WDFY3: variants seen among roughly 807,000 people sequenced by gnomAD.
WDFY3 encodes WD repeat and FYVE domain containing 3, also known as WD repeat and FYVE domain-containing protein 3.
WDFY3 carries 66 observed loss-of-function variants against 409.6 expected under a neutral mutation model. That is an observed-to-expected ratio of 0.16 (90% CI 0.13 to 0.20). WDFY3 has a LOEUF of 0.20. Among genes scored for constraint, WDFY3 ranks in the 10% least tolerant of loss-of-function variants. The probability of loss-of-function intolerance (pLI) is 1.00; values close to 1 mark genes in which losing one functional copy is unlikely to be tolerated. For missense variants in WDFY3, 3,031 were observed against 4,298.1 expected, an observed-to-expected ratio of 0.71 and a Z score of 8.24; for synonymous variants, 1,521 against 1,537.1, an observed-to-expected ratio of 0.99 and a Z score of 0.25.
At chr4:84,843,787 CTAG>C (rs1757709287) in intron 5 of WDFY3, among the ~76,000 whole-genome samples, 1 of 152,026 alleles carries the variant, frequency 6.6e-6, no homozygotes, top group Admixed American at 6.6e-5. Flanking sequence ...ATTATGTATA[CTAG>C]CAAGGAATTT....
chr4:84,954,012 CTA>C (rs1235435827), intron 1 of WDFY3, among the ~76,000 whole-genome samples: 23 of 152,244 alleles, frequency 1.5e-4, no homozygotes, highest in Admixed American at 1.5e-3. Context: ...CTTATCTCCA[CTA>C]TGTTATAAAG....
At chr4:84,742,345 G>C (rs1462846073) in intron 37 of WDFY3, among the ~76,000 whole-genome samples, 1 of 152,204 alleles carries the variant, frequency 6.6e-6, no homozygotes, top group African/African-American at 2.4e-5. Flanking sequence ...AAGTAACACA[G>C]ACAGAAGAGA....
At chr4:84,747,035 CT>C (rs1308075028) in intron 36 of WDFY3, among the ~76,000 whole-genome samples, 1 of 152,176 alleles carries the variant, frequency 6.6e-6, no homozygotes, top group Non-Finnish European at 1.5e-5. Flanking sequence ...CTTCATCACT[CT>C]TTTAGATAAG....
chr4:84,815,632 T>C (rs1421143246), intron 13 of WDFY3, among the ~76,000 whole-genome samples: 3 of 152,142 alleles, frequency 2.0e-5, no homozygotes, highest in African/African-American at 7.2e-5. Context: ...GTCCTCCAAT[T>C]AGGATTTATC....
intron 62 of WDFY3, among the ~76,000 whole-genome samples, chr4:84,684,673 T>G (rs1277936422): frequency 6.6e-6 from 1 of 151,046 alleles, no homozygotes; most frequent in Non-Finnish European, 1.5e-5. Context: ...AAAATAGGGG[T>G]GGGGGAATGT....
chr4:84,740,464 C>T (rs1331501466), intron 38 of WDFY3, 48 bp from the exon 39 acceptor site: 2 of 1,578,058 alleles, frequency 1.3e-6, no homozygotes, highest in Non-Finnish European at 8.7e-7. Flanking sequence ...AAAAGTAAAA[C>T]ACCTGTTAAT....
At chr4:84,961,148 G>C (rs554178835) in intron 1 of WDFY3, among the ~76,000 whole-genome samples, 3 of 151,244 alleles carry the variant, frequency 2.0e-5, no homozygotes, top group African/African-American at 7.3e-5. Flanking sequence ...CCGAGAGGTG[G>C]AGGCTGCAGT....
intron 2 of WDFY3, among the ~76,000 whole-genome samples, chr4:84,915,820 A>C (rs896058841): frequency 7.2e-5 from 11 of 152,170 alleles, no homozygotes; most frequent in Non-Finnish European, 1.0e-4. Context: ...TGGGGAAAAA[A>C]GGTTTTAATT....
intron 3 of WDFY3, among the ~76,000 whole-genome samples, chr4:84,871,960 G>A (rs1052055588): frequency 5.9e-5 from 9 of 152,212 alleles, no homozygotes; most frequent in African/African-American, 1.9e-4. Context: ...TGATGTAAAA[G>A]ATAACTGAAT....
At chr4:84,676,707 T>G (rs151043110) in intron 67 of WDFY3, among the ~76,000 whole-genome samples, 76 of 152,238 alleles carry the variant, frequency 5.0e-4, no homozygotes, top group African/African-American at 1.8e-3. Context: ...GATATCTATA[T>G]AAATGGATTT....
chr4:84,821,633 G>T lies in WDFY3; in HGVS notation c.1124-82C>A, dbSNP rs1371488548. ...AAACTAGTCTGTTTAAACACATCAT[G>T]AATTATAACATTTATCAATTATTTA... On this transcript the variant is annotated intron_variant, in intron 10 of 67. Transcript: ENST00000295888. The T allele has an allele frequency of 3.5e-6, 4 of 1,135,182 alleles. No homozygotes were observed. In the Admixed American group the frequency reaches 9.4e-5, roughly 27 times the overall value. 70.3% of individuals were successfully genotyped at this position (1,135,182 alleles called of 1,614,324 possible).
intron 1 of WDFY3, among the ~76,000 whole-genome samples, chr4:84,953,213 T>C (rs1773827340): frequency 1.3e-5 from 2 of 151,686 alleles, no homozygotes; most frequent in African/African-American, 4.8e-5. Flanking sequence ...TGATCTCACT[T>C]ATTATCTGGT....
chr4:84,887,686 G>A (rs1764411472), intron 3 of WDFY3, among the ~76,000 whole-genome samples: 1 of 152,182 alleles, frequency 6.6e-6, no homozygotes, highest in South Asian at 2.1e-4. Flanking sequence ...TGGAAGCTCA[G>A]AGTTTAAGCA....
chr4:84,773,612 C>T (rs1745050064), intron 29 of WDFY3, among the ~76,000 whole-genome samples: 1 of 152,138 alleles, frequency 6.6e-6, no homozygotes, highest in Admixed American at 6.5e-5. Context: ...AGCAAAGTGA[C>T]CATTACAATG....
chr4:84,716,229 A>T (rs2149045517), intron 49 of WDFY3, among the ~76,000 whole-genome samples: 1 of 151,712 alleles, frequency 6.6e-6, no homozygotes, highest in East Asian at 2.0e-4. Context: ...CGAGGTCAGG[A>T]GATCAAGACC....
chr4:84,900,333 C>T (rs1561035556), intron 2 of WDFY3, among the ~76,000 whole-genome samples: 1 of 152,114 alleles, frequency 6.6e-6, no homozygotes, highest in Non-Finnish European at 1.5e-5. Flanking sequence ...TCAAGCAATC[C>T]TCTTGCCTTA....
Position 84,821,529 on chromosome 4 carries a change from C to T in WDFY3, c.1146G>A (p.Gln382=), listed in dbSNP as rs1754057567. Reference sequence around the variant, plus strand: ...ATGCATTCTGAAGAACTGCAAAGGCCTGGACGTTTCTCACACTGTGACCTA... The same window carrying T: ...ATGCATTCTGAAGAACTGCAAAGGCTTGGACGTTTCTCACACTGTGACCTA... ...AGKGHSVRNV[Q]AFAVLQNAFL... is the part of the protein sequence containing the mutation. The change falls in exon 11 of 68, where the codon CAG becomes CAA. Residue 382 remains glutamine (Q), a synonymous_variant. Transcript: ENST00000295888. 3.7e-6 allele frequency: 6 copies of T among 1,612,670 alleles called. No homozygotes were observed. The highest frequency in any genetic ancestry group is 1.6e-4 in the Middle Eastern group (1 of 6,076).
At chr4:84,927,845 A>G (rs1353630227) in intron 2 of WDFY3, among the ~76,000 whole-genome samples, 2 of 152,304 alleles carry the variant, frequency 1.3e-5, no homozygotes, top group Admixed American at 6.5e-5. Flanking sequence ...AGTCTCAGGT[A>G]TTTTCTCATA....
At chr4:84,734,234 T>A (rs1358922302) in intron 43 of WDFY3, among the ~76,000 whole-genome samples, 1 of 152,210 alleles carries the variant, frequency 6.6e-6, no homozygotes, top group Admixed American at 6.5e-5. Flanking sequence ...CAAGTTCTTA[T>A]CTATCAAATG....
Sources: gnomAD v4.1 joint callset for allele counts (sites outside exome capture counted in the v4.1 genomes callset) on GRCh38, gnomAD v4.1.1 for gene constraint, MANE v1.5 for transcripts, NCBI Gene and HGNC (gene_info 2026-07-23, HGNC 2026-07-21) for gene names.